Variants in RGS7 observed in about 807,000 individuals in gnomAD.
RGS7 encodes regulator of G protein signaling 7, also known as regulator of G-protein signaling 7.
Under a neutral mutation model 81.1 loss-of-function variants are expected in RGS7, and 27 were observed. The observed-to-expected ratio is 0.33, with a 90% confidence interval of 0.25 to 0.46. The LOEUF (loss-of-function observed/expected upper bound fraction) is 0.46, where lower values mean the gene tolerates loss of function less well. Among genes scored for constraint, RGS7 ranks in the 20% least tolerant of loss-of-function variants. The pLI, the probability that RGS7 is intolerant of heterozygous loss-of-function variation, is 1.00. For missense variants in RGS7, 396 were observed against 607.4 expected, an observed-to-expected ratio of 0.65 and a Z score of 3.66; for synonymous variants, 208 against 207.7, an observed-to-expected ratio of 1.00 and a Z score of -0.01.
At chr1:241,013,238 T>C (rs2059060103) in intron 3 of RGS7, among the ~76,000 whole-genome samples, 1 of 151,940 alleles carries the variant, frequency 6.6e-6, no homozygotes, top group Admixed American at 6.6e-5. Flanking sequence ...AATATTTGTA[T>C]TTTTTCTAGA....
At position 241,136,659 on chromosome 1, in the gene RGS7, T is replaced by C. The variant is rs956490057; in HGVS notation, c.79-37897A>G. On this transcript the variant is annotated intron_variant, in intron 2 of 18. Transcript: ENST00000440928. ...ACCTGAAGATGGCTATCTTCTCTTTTGCAGAGAACAAAGAAGATTACGTGT... is the reference window on the plus strand; with the variant it reads ...ACCTGAAGATGGCTATCTTCTCTTTCGCAGAGAACAAAGAAGATTACGTGT... Among the ~76,000 whole-genome samples, 26 of 152,222 alleles carry C rather than the reference T, an allele frequency of 1.7e-4. 1 individual carries two copies. The highest frequency in any genetic ancestry group is 6.3e-4 in the African/African-American group (26 of 41,462).
intron 2 of RGS7, among the ~76,000 whole-genome samples, chr1:241,322,495 T>G (rs1414817224): frequency 6.6e-6 from 1 of 152,238 alleles, no homozygotes; most frequent in Non-Finnish European, 1.5e-5. Flanking sequence ...CTTATTTGAT[T>G]CTCATATAAA....
At chr1:240,998,746 G>T in intron 3 of RGS7, 1 of 804,978 alleles carries the variant, frequency 1.2e-6, no homozygotes. Context: ...TCATCATCGT[G>T]CGGAATGAGG....
intron 2 of RGS7, among the ~76,000 whole-genome samples, chr1:241,118,352 C>T (rs2066014809): frequency 6.6e-6 from 1 of 152,192 alleles, no homozygotes; most frequent in Non-Finnish European, 1.5e-5. Flanking sequence ...AAACCTCTTG[C>T]CTTCCGCAAA....
At chr1:240,987,410 A>C (rs1487940406) in intron 3 of RGS7, among the ~76,000 whole-genome samples, 1 of 152,206 alleles carries the variant, frequency 6.6e-6, no homozygotes, top group Non-Finnish European at 1.5e-5. Flanking sequence ...GTACTGCCCA[A>C]ATACCTTTGC....
chr1:240,996,041 A>G (rs1246555837), intron 3 of RGS7, among the ~76,000 whole-genome samples: 1 of 151,586 alleles, frequency 6.6e-6, no homozygotes, highest in African/African-American at 2.4e-5. Flanking sequence ...TTTCCAGAAG[A>G]TCCTTCAATG....
At chr1:240,993,483 A>G (rs1404336221) in intron 3 of RGS7, among the ~76,000 whole-genome samples, 2 of 152,030 alleles carry the variant, frequency 1.3e-5, no homozygotes, top group African/African-American at 2.4e-5. Flanking sequence ...ACATGTTTTC[A>G]TATGCTTTTT....
chr1:240,976,773 T>A (rs1350060357), intron 4 of RGS7, among the ~76,000 whole-genome samples: 1 of 141,384 alleles, frequency 7.1e-6, no homozygotes, highest in Admixed American at 7.1e-5. Flanking sequence ...CTATCTATCA[T>A]CGATCTATCA....
rs1673218902 is a variant in RGS7, at chr1:240,919,883, G to A, written c.385+10834C>T. On this transcript the variant is annotated intron_variant, in intron 6 of 18. Coordinates refer to ENST00000440928, the MANE Select transcript of RGS7 (RefSeq NM_001364886.1). ...TGGCCATGAATGGAAGGCCACACAAGGTGGATGGGAGAGTTGTGGAACCAA... is the reference window on the plus strand; with the variant it reads ...TGGCCATGAATGGAAGGCCACACAAAGTGGATGGGAGAGTTGTGGAACCAA... 3.0e-6 allele frequency: 3 copies of A among 1,008,124 alleles called. No individual in the cohort carries two copies. In the Admixed American group the frequency reaches 5.1e-5, roughly 17 times the overall value. The allele number at this position is 1,008,124 out of a possible 1,614,324, so 62.4% of individuals were successfully genotyped here.
chr1:241,265,133 T>C (rs1222669757), intron 2 of RGS7, among the ~76,000 whole-genome samples: 7 of 152,196 alleles, frequency 4.6e-5, no homozygotes. Flanking sequence ...CCACATCCCC[T>C]GATTGTTCAC....
At chr1:240,997,351 T>C (rs956435521) in intron 3 of RGS7, among the ~76,000 whole-genome samples, 6 of 152,322 alleles carry the variant, frequency 3.9e-5, no homozygotes, top group African/African-American at 1.2e-4. Context: ...ACACAACTTA[T>C]TATAGCCTTC....
intron 3 of RGS7, among the ~76,000 whole-genome samples, chr1:241,023,130 T>C (rs1460406944): frequency 6.8e-6 from 1 of 146,246 alleles, no homozygotes; most frequent in Non-Finnish European, 1.5e-5. Flanking sequence ...TACAATCGTG[T>C]AAAATAACAA....
chr1:241,219,421 G>A (rs1236716868), intron 2 of RGS7, among the ~76,000 whole-genome samples: 1 of 152,178 alleles, frequency 6.6e-6, no homozygotes, highest in African/African-American at 2.4e-5. Context: ...GGAACTGTAA[G>A]TCCAATTAAA....
intron 3 of RGS7, among the ~76,000 whole-genome samples, chr1:241,079,482 A>G (rs1009277017): frequency 6.6e-6 from 1 of 152,144 alleles, no homozygotes; most frequent in Non-Finnish European, 1.5e-5. Flanking sequence ...AAAATGCAAG[A>G]AAAGGAATGA....
At chr1:241,172,727 A>T (rs991066538) in intron 2 of RGS7, among the ~76,000 whole-genome samples, 2 of 152,226 alleles carry the variant, frequency 1.3e-5, no homozygotes, top group African/African-American at 2.4e-5. Flanking sequence ...GAAATGAGTC[A>T]TCTGTTTCTG....
intron 3 of RGS7, among the ~76,000 whole-genome samples, chr1:241,027,566 T>A (rs1333621355): frequency 6.6e-6 from 1 of 152,120 alleles, no homozygotes; most frequent in Non-Finnish European, 1.5e-5. Context: ...GCTGGTGGCT[T>A]AGCCTAGCGT....
At chr1:241,154,820 C>T (rs530675175) in intron 2 of RGS7, among the ~76,000 whole-genome samples, 224 of 152,090 alleles carry the variant, frequency 1.5e-3, no homozygotes, top group African/African-American at 5.1e-3. Flanking sequence ...TGATGGCAGA[C>T]GTGGGAGGGG....
In RGS7 at chr1:241,193,522, A is replaced by G. The variant is rs191427762; in HGVS notation, c.79-94760T>C. ...CAATCAATTCATCCTGCCTGAATTT[A>G]TAACACCACATTTGGATATAGTGTT... is the stretch of plus-strand genomic sequence containing the variant. On this transcript the variant is annotated intron_variant, in intron 2 of 18. Coordinates refer to ENST00000440928, the MANE Select transcript of RGS7 (RefSeq NM_001364886.1). Among the ~76,000 whole-genome samples, 19 of 152,370 alleles carry G rather than the reference A, an allele frequency of 1.2e-4. No homozygotes were observed. The East Asian group carries it at 3.3e-3, about 26-fold the overall frequency.
At chr1:241,143,805 G>T (rs1400203793) in intron 2 of RGS7, among the ~76,000 whole-genome samples, 1 of 152,174 alleles carries the variant, frequency 6.6e-6, no homozygotes, top group Non-Finnish European at 1.5e-5. Flanking sequence ...AGAGGTGGGG[G>T]CTTCAAGAGT....
Sources: gnomAD v4.1 joint callset for allele counts (sites outside exome capture counted in the v4.1 genomes callset) on GRCh38, gnomAD v4.1.1 for gene constraint, MANE v1.5 for transcripts, NCBI Gene and HGNC (gene_info 2026-07-23, HGNC 2026-07-21) for gene names.